Variants in PPFIBP2 observed in about 807,000 individuals in gnomAD.
PPFIBP2 encodes PPFIB scaffold protein 2.
PPFIBP2 carries 118 observed loss-of-function variants against 118.3 expected under a neutral mutation model. The ratio of observed to expected loss-of-function variants is 1.00; its 90% CI spans 0.86 to 1.16. The LOEUF (loss-of-function observed/expected upper bound fraction) is 1.16. PPFIBP2 is among the 50% of genes most tolerant of loss of function. The pLI is 0.00. For missense variants in PPFIBP2, 1,195 were observed against 1,073.1 expected, an observed-to-expected ratio of 1.11 and a Z score of -1.59; for synonymous variants, 414 against 397.4, an observed-to-expected ratio of 1.04 and a Z score of -0.50.
chr11:7,600,790 C>T (rs549628270), intron 5 of PPFIBP2, among the ~76,000 whole-genome samples: 59 of 152,310 alleles, frequency 3.9e-4, no homozygotes, highest in African/African-American at 1.4e-3. Flanking sequence ...CCCATGTAGG[C>T]CTGGTAATGC....
intron 2 of PPFIBP2, among the ~76,000 whole-genome samples, chr11:7,562,535 T>C (rs1854418810): frequency 2.0e-5 from 3 of 152,210 alleles, no homozygotes; most frequent in Admixed American, 2.0e-4. Flanking sequence ...AACCGTGATA[T>C]AATATCCACA....
the PPFIBP2 span, chr11:7,666,340 C>T: frequency 1.4e-6 from 1 of 710,360 alleles, no homozygotes; most frequent in Admixed American, 2.4e-5. Flanking sequence ...AGGCTTAACC[C>T]CCACATCTGG....
chr11:7,618,920 G>A (rs1849019598), intron 6 of PPFIBP2, among the ~76,000 whole-genome samples: 1 of 146,422 alleles, frequency 6.8e-6, no homozygotes, highest in South Asian at 2.2e-4. Flanking sequence ...GTTTTTAACG[G>A]GCATCAGCAT....
chr11:7,628,305 A>G lies in PPFIBP2; in HGVS notation c.847A>G (p.Lys283Glu). Reference sequence around the variant, plus strand: ...TTTAGACCAAGAAATTCAACGTCTGAAAATGGGGATGGAAACTTTGCTGCT... The same window carrying G: ...TTTAGACCAAGAAATTCAACGTCTGGAAATGGGGATGGAAACTTTGCTGCT... ...TERDQEIQRL[K>E]MGMETLLLAN... Residue 283 changes from lysine (K) to glutamate (E), a missense_variant, in exon 9 of 24, where the codon AAA (lysine) becomes GAA (glutamate). By Grantham distance (56) the Lys-to-Glu change is moderately conservative. Transcript: ENST00000299492. The G allele has an allele frequency of 6.2e-7, 1 of 1,613,736 alleles. No homozygotes were observed. Among genetic ancestry groups the G allele is most frequent in the Non-Finnish European group, 8.5e-7 (1 of 1,179,762 alleles).
At chr11:7,607,486 T>C (rs1847536494) in intron 5 of PPFIBP2, among the ~76,000 whole-genome samples, 1 of 152,116 alleles carries the variant, frequency 6.6e-6, no homozygotes, top group South Asian at 2.1e-4. Flanking sequence ...CCTCCCAAAG[T>C]GCTAGGCATG....
intron 4 of PPFIBP2, 84 bp from the exon 5 acceptor site, chr11:7,597,476 T>G: frequency 6.5e-7 from 1 of 1,532,610 alleles, no homozygotes; most frequent in Non-Finnish European, 8.9e-7. Context: ...GTGGTGAGAT[T>G]TAACGGCTCC....
chr11:7,604,469 C>T (rs540089446), intron 5 of PPFIBP2, among the ~76,000 whole-genome samples: 20 of 139,354 alleles, frequency 1.4e-4, no homozygotes, highest in Middle Eastern at 3.4e-3. Flanking sequence ...CACCCATACA[C>T]GCACACACAC....
chr11:7,528,562 T>C (rs1278318059), intron 1 of PPFIBP2, among the ~76,000 whole-genome samples: 1 of 152,136 alleles, frequency 6.6e-6, no homozygotes, highest in Non-Finnish European at 1.5e-5. Context: ...CCCTAAGAGA[T>C]GTTTAGCAAG....
chr11:7,665,692 A>G, the PPFIBP2 span: 11 of 1,147,222 alleles, frequency 9.6e-6, no homozygotes, highest in African/African-American at 1.1e-4. Flanking sequence ...GCTCCCTGCA[A>G]AAAGCCTCAG....
the PPFIBP2 span, among the ~76,000 whole-genome samples, chr11:7,664,119 C>G: frequency 6.6e-6 from 1 of 152,204 alleles, no homozygotes; most frequent in Admixed American, 6.5e-5. Context: ...GCGTCGCTCA[C>G]GCTGGGAGCT....
At chr11:7,526,177 G>A (rs1223963212) in intron 1 of PPFIBP2, among the ~76,000 whole-genome samples, 1 of 152,142 alleles carries the variant, frequency 6.6e-6, no homozygotes, top group African/African-American at 2.4e-5. Context: ...CAGGGAGGAA[G>A]GTATACTGAA....
intron 2 of PPFIBP2, among the ~76,000 whole-genome samples, chr11:7,562,570 G>A (rs1478966390): frequency 6.6e-6 from 1 of 152,170 alleles, no homozygotes; most frequent in East Asian, 1.9e-4. Flanking sequence ...AGAGGAATGG[G>A]TCACTGACGG....
downstream of PPFIBP2, among the ~76,000 whole-genome samples, chr11:7,661,943 T>G (rs1854897961): frequency 7.7e-6 from 1 of 130,226 alleles, no homozygotes; most frequent in East Asian, 2.0e-4. Flanking sequence ...GTTTAAAGTC[T>G]GTTTTATCAG....
intron 5 of PPFIBP2, 33 bp from the exon 6 acceptor site, chr11:7,610,258 G>A: frequency 6.2e-7 from 1 of 1,607,468 alleles, no homozygotes. Context: ...TGCCATAGTG[G>A]TTTCTGATTT....
chr11:7,653,784 T>C (rs1327730315), downstream of PPFIBP2: 27 of 1,188,152 alleles, frequency 2.3e-5, no homozygotes, highest in Non-Finnish European at 2.7e-5. Context: ...TCTTTAACTT[T>C]GTTGGGGAAA....
intron 3 of PPFIBP2, among the ~76,000 whole-genome samples, chr11:7,567,235 G>A (rs7115929): frequency 0.17 from 25,444 of 152,006 alleles, 2,155 homozygotes; most frequent in African/African-American, 0.18. Context: ...TTATTTTATG[G>A]TTAACTCCAA....
At chr11:7,529,646 C>G (rs1316670167) in intron 1 of PPFIBP2, among the ~76,000 whole-genome samples, 1 of 152,236 alleles carries the variant, frequency 6.6e-6, no homozygotes, top group Non-Finnish European at 1.5e-5. Context: ...CTCCCTAACC[C>G]TACAGAGCCC....
chr11:7,528,537 A>G (rs1266261529), intron 1 of PPFIBP2, among the ~76,000 whole-genome samples: 1 of 152,216 alleles, frequency 6.6e-6, no homozygotes, highest in African/African-American at 2.4e-5. Flanking sequence ...CCTGTTTAGG[A>G]TACCAAGGTG....
chr11:7,660,298 C>T (rs1468527901), downstream of PPFIBP2, among the ~76,000 whole-genome samples: 1 of 120,442 alleles, frequency 8.3e-6, no homozygotes, highest in Non-Finnish European at 2.0e-5. Flanking sequence ...TCATAGATAG[C>T]TCTTATTATT....
Sources: gnomAD v4.1 joint callset for allele counts (sites outside exome capture counted in the v4.1 genomes callset) on GRCh38, gnomAD v4.1.1 for gene constraint, MANE v1.5 for transcripts, NCBI Gene and HGNC (gene_info 2026-07-23, HGNC 2026-07-21) for gene names.